Variants in CALN1 observed in about 807,000 individuals in gnomAD.
CALN1 encodes the protein calcium-binding protein 8.
A neutral mutation model predicts 30.6 loss-of-function variants in CALN1; 17 were observed. That is an observed-to-expected ratio of 0.56 (90% CI 0.38 to 0.83). CALN1 has a LOEUF of 0.83. CALN1 is among the 40% of genes least tolerant of loss of function. The pLI is 0.00. For synonymous variants in CALN1, 156 were observed against 131.4 expected (o/e 1.19, Z -1.28); for missense variants, 291 against 354.9 (o/e 0.82, Z 1.45).
At chr7:72,015,764 T>C (rs1368156954) in intron 5 of CALN1, among the ~76,000 whole-genome samples, 1 of 152,088 alleles carries the variant, frequency 6.6e-6, no homozygotes, top group Non-Finnish European at 1.5e-5. Context: ...TTCTAACAAG[T>C]TCCAGGTATT....
At chr7:72,207,272 G>A (rs540681114) in intron 3 of CALN1, among the ~76,000 whole-genome samples, 3 of 152,114 alleles carry the variant, frequency 2.0e-5, no homozygotes, top group Non-Finnish European at 4.4e-5. Flanking sequence ...TTCTTATCTT[G>A]AGTTTTGGGT....
chr7:72,150,921 T>C (rs73355321), intron 3 of CALN1, among the ~76,000 whole-genome samples: 2 of 138,680 alleles, frequency 1.4e-5, no homozygotes, highest in Admixed American at 7.2e-5. Flanking sequence ...GATGACACTG[T>C]TGTCATGAGC....
intron 1 of CALN1, among the ~76,000 whole-genome samples, chr7:72,417,903 C>A (rs917129748): frequency 3.9e-5 from 6 of 152,090 alleles, no homozygotes; most frequent in African/African-American, 1.4e-4. Context: ...TGGAGCTCCT[C>A]CCTCTGCTGA....
chr7:72,009,760 T>C (rs1425292924), intron 5 of CALN1, among the ~76,000 whole-genome samples: 1 of 152,178 alleles, frequency 6.6e-6, no homozygotes, highest in Non-Finnish European at 1.5e-5. Flanking sequence ...TCCCTTTCAT[T>C]TGGCTCTCAT....
intron 3 of CALN1, among the ~76,000 whole-genome samples, chr7:72,149,788 G>A (rs1418498272): frequency 2.0e-5 from 3 of 152,154 alleles, no homozygotes; most frequent in East Asian, 1.9e-4. Context: ...TGGGCAGAAA[G>A]GACCTGGTCA....
At chr7:72,122,259 T>C (rs1808449526) in intron 3 of CALN1, among the ~76,000 whole-genome samples, 2 of 152,168 alleles carry the variant, frequency 1.3e-5, no homozygotes, top group Non-Finnish European at 2.9e-5. Flanking sequence ...ATACGGAGAT[T>C]AGAGACTCCT....
intron 2 of CALN1, among the ~76,000 whole-genome samples, chr7:72,395,958 A>G (rs10260146): frequency 1.3e-5 from 2 of 151,934 alleles, no homozygotes; most frequent in Non-Finnish European, 2.9e-5. Flanking sequence ...ATTTTAACTC[A>G]CCAGATACAT....
chr7:71,936,554 C>A (rs540009463), intron 5 of CALN1, among the ~76,000 whole-genome samples: 1 of 152,048 alleles, frequency 6.6e-6, no homozygotes, highest in Non-Finnish European at 1.5e-5. Flanking sequence ...AGCTCTAGGG[C>A]GTGAAGATTC....
At position 71,874,198 on chromosome 7, in the gene CALN1, T is replaced by C. The variant is rs537471176; in HGVS notation, c.502-63706A>G. On this transcript the variant is annotated intron_variant, in intron 5 of 6. Coordinates refer to ENST00000395275, the MANE Select transcript of CALN1 (RefSeq NM_031468.4). Reference sequence around the variant, plus strand: ...GCTGAGATATGAGAATCGCTAGAACTTGGGAGGTAGAGGTTGCAGTGAGCT... The same window carrying C: ...GCTGAGATATGAGAATCGCTAGAACCTGGGAGGTAGAGGTTGCAGTGAGCT... Among the ~76,000 whole-genome samples, 6 of 149,516 alleles carry C rather than the reference T, an allele frequency of 4.0e-5. No individual in the cohort carries two copies. In the South Asian group the frequency reaches 1.3e-3, roughly 32 times the overall value.
In CALN1 at chr7:72,054,096, T is replaced by G. The variant is rs1584840303; in HGVS notation, c.389-30327A>C. On this transcript the variant is annotated intron_variant, in intron 4 of 6. Coordinates refer to ENST00000395275, the MANE Select transcript of CALN1 (RefSeq NM_031468.4). Reference sequence around the variant, plus strand: ...ATTTTGCTATTGCGAATTGTGCTGCTATAAACACGCATGTGCAAGTACCTT... The same window carrying G: ...ATTTTGCTATTGCGAATTGTGCTGCGATAAACACGCATGTGCAAGTACCTT... Among the ~76,000 whole-genome samples, 5 of 152,270 alleles carry G rather than the reference T, an allele frequency of 3.3e-5. No individual in the cohort carries two copies. In the East Asian group the frequency reaches 9.6e-4, roughly 29 times the overall value.
intron 3 of CALN1, among the ~76,000 whole-genome samples, chr7:72,148,453 A>T (rs1786954390): frequency 6.6e-6 from 1 of 151,586 alleles, no homozygotes; most frequent in South Asian, 2.1e-4. Context: ...AAGAAAAAAA[A>T]ATAGCCAGCT....
intron 3 of CALN1, among the ~76,000 whole-genome samples, chr7:72,114,831 T>C (rs753667224): frequency 1.3e-5 from 2 of 152,030 alleles, no homozygotes; most frequent in Non-Finnish European, 2.9e-5. Flanking sequence ...CCGTCTCTAC[T>C]AAAAATACAA....
At chr7:72,360,681 A>G (rs1251903503) in intron 2 of CALN1, among the ~76,000 whole-genome samples, 1 of 148,762 alleles carries the variant, frequency 6.7e-6, no homozygotes, top group Non-Finnish European at 1.5e-5. Context: ...GTATGTATAC[A>G]TATGTAACAT....
At chr7:72,452,739 A>G in the CALN1 span, among the ~76,000 whole-genome samples, 1 of 152,202 alleles carries the variant, frequency 6.6e-6, no homozygotes, top group Admixed American at 6.5e-5. Flanking sequence ...TAAGCTTATC[A>G]GAATAGAATC....
At chr7:72,282,552 G>T (rs1276541954) in intron 2 of CALN1, among the ~76,000 whole-genome samples, 1 of 152,154 alleles carries the variant, frequency 6.6e-6, no homozygotes, top group Non-Finnish European at 1.5e-5. Flanking sequence ...AGGCTCTTTT[G>T]TCTTTCTGCC....
intron 1 of CALN1, among the ~76,000 whole-genome samples, chr7:72,408,788 C>T (rs1806892132): frequency 6.9e-6 from 1 of 145,234 alleles, no homozygotes; most frequent in Non-Finnish European, 1.5e-5. Context: ...GTGATCCTGC[C>T]ACCTCCAGTC....
At chr7:71,828,462 C>T (rs1405067097) in intron 5 of CALN1, among the ~76,000 whole-genome samples, 2 of 151,900 alleles carry the variant, frequency 1.3e-5, no homozygotes, top group Admixed American at 6.6e-5. Context: ...ACCTTGGGAC[C>T]CCAAAATTAC....
chr7:71,988,436 T>C (rs1323493934), intron 5 of CALN1, among the ~76,000 whole-genome samples: 2 of 152,074 alleles, frequency 1.3e-5, no homozygotes, highest in Admixed American at 1.3e-4. Flanking sequence ...CAGGAAGGCA[T>C]AGCCGGTGCC....
At chr7:72,246,420 C>T (rs1795160113) in intron 3 of CALN1, among the ~76,000 whole-genome samples, 2 of 152,128 alleles carry the variant, frequency 1.3e-5, no homozygotes, top group African/African-American at 4.8e-5. Context: ...GGTGATGTCC[C>T]TTGGAGAGTG....
Sources: allele counts gnomAD v4.1 joint callset (sites outside exome capture counted in the v4.1 genomes callset), GRCh38; gene constraint gnomAD v4.1.1; transcripts MANE v1.5; gene names NCBI Gene and HGNC (gene_info 2026-07-23, HGNC 2026-07-21).